The following ROBO2 variants were observed in gnomAD, a reference collection of about 807,000 sequenced individuals.
ROBO2 encodes the protein roundabout guidance receptor 2.
Under a neutral mutation model 160.8 loss-of-function variants are expected in ROBO2, and 53 were observed. The ratio of observed to expected loss-of-function variants is 0.33; its 90% CI spans 0.26 to 0.41. The LOEUF (loss-of-function observed/expected upper bound fraction) is 0.41. ROBO2 is among the 10% of genes least tolerant of loss of function. ROBO2 has a pLI of 1.00. For synonymous variants in ROBO2, 664 were observed against 611.7 expected, an observed-to-expected ratio of 1.09 and a Z score of -1.26; for missense variants, 1,577 against 1,722.4, an observed-to-expected ratio of 0.92 and a Z score of 1.49.
At chr3:76,441,987 G>A (rs748856398) in intron 2 of ROBO2, among the ~76,000 whole-genome samples, 1 of 152,174 alleles carries the variant, frequency 6.6e-6, no homozygotes, top group Non-Finnish European at 1.5e-5. Context: ...CTGAGATCAG[G>A]ACATAGGGCA....
intron 20 of ROBO2, 60 bp from the exon 22 acceptor site, chr3:77,607,737 CT>C: frequency 6.9e-7 from 1 of 1,452,460 alleles, no homozygotes; most frequent in South Asian, 1.1e-5. Context: ...ACCTTGCCAT[CT>C]GATGTATTCT....
At chr3:77,523,602 A>T (rs1259272646) in intron 6 of ROBO2, among the ~76,000 whole-genome samples, 1 of 151,352 alleles carries the variant, frequency 6.6e-6, no homozygotes, top group Non-Finnish European at 1.5e-5. Flanking sequence ...AGTGCACTAG[A>T]ATAAATTAAC....
chr3:77,146,376 T>A (rs1366370094), intron 2 of ROBO2, among the ~76,000 whole-genome samples: 1 of 152,154 alleles, frequency 6.6e-6, no homozygotes, highest in Non-Finnish European at 1.5e-5. Context: ...GGAAGCCTGG[T>A]AACGTGGTAG....
At chr3:77,015,631 A>G (rs979453239) in intron 2 of ROBO2, among the ~76,000 whole-genome samples, 2 of 152,194 alleles carry the variant, frequency 1.3e-5, no homozygotes, top group African/African-American at 4.8e-5. Context: ...ATAATTTTCA[A>G]ACATTTTAAC....
At chr3:76,887,732 C>T (rs1011275294) in intron 2 of ROBO2, among the ~76,000 whole-genome samples, 15 of 152,264 alleles carry the variant, frequency 9.9e-5, no homozygotes, top group African/African-American at 3.1e-4. Flanking sequence ...TAAATGTGCA[C>T]TTTCTATGGT....
intron 2 of ROBO2, among the ~76,000 whole-genome samples, chr3:76,230,318 G>GAA (rs368897104): frequency 6.1e-5 from 9 of 147,810 alleles, no homozygotes; most frequent in Non-Finnish European, 1.0e-4. Context: ...TTTCTCATTT[G>GAA]AAAAAAAAAA....
At chr3:77,107,283 G>T (rs2072936609) in intron 2 of ROBO2, among the ~76,000 whole-genome samples, 1 of 152,120 alleles carries the variant, frequency 6.6e-6, no homozygotes, top group African/African-American at 2.4e-5. Flanking sequence ...TAAACGTTCT[G>T]ACCACAGCTC....
At chr3:76,620,395 C>T (rs1313521458) in intron 2 of ROBO2, among the ~76,000 whole-genome samples, 1 of 151,928 alleles carries the variant, frequency 6.6e-6, no homozygotes, top group Non-Finnish European at 1.5e-5. Flanking sequence ...AAAAATCATT[C>T]GTAAATAAAA....
intron 2 of ROBO2, among the ~76,000 whole-genome samples, chr3:77,009,566 T>G (rs2061756849): frequency 6.6e-6 from 1 of 152,216 alleles, no homozygotes; most frequent in African/African-American, 2.4e-5. Context: ...GTCTTCATAA[T>G]TTTATATGTT....
intron 2 of ROBO2, among the ~76,000 whole-genome samples, chr3:76,002,508 A>G (rs2065914982): frequency 6.6e-6 from 1 of 152,042 alleles, no homozygotes; most frequent in Non-Finnish European, 1.5e-5. Flanking sequence ...TGTAGTGGTG[A>G]ATGAGTCTCA....
At position 76,754,022 on chromosome 3, in the gene ROBO2, C is replaced by T. The variant is rs937371474; in HGVS notation, c.110-343992C>T. ...GAAAATAATACTACCTGCTACTAAT[C>T]TTTGTAAAATTTTTTATTGGTATAA... On this transcript the variant is annotated intron_variant, in intron 2 of 26. Coordinates refer to the ROBO2 transcript ENST00000487694. Among the ~76,000 whole-genome samples, 8 of 151,710 alleles carry T rather than the reference C, an allele frequency of 5.3e-5. 1 individual carries two copies. The highest frequency in any genetic ancestry group is 1.5e-4 in the African/African-American group (6 of 41,336).
chr3:77,064,044 G>A (rs895263366), intron 1 of ROBO2, among the ~76,000 whole-genome samples: 3 of 152,204 alleles, frequency 2.0e-5, no homozygotes, highest in African/African-American at 7.2e-5. Context: ...TATCTTTAAA[G>A]CCTGCAGAAA....
At chr3:76,120,286 G>A (rs984049845) in intron 2 of ROBO2, among the ~76,000 whole-genome samples, 3 of 152,116 alleles carry the variant, frequency 2.0e-5, no homozygotes, top group Admixed American at 1.3e-4. Context: ...ACAGGCGTGA[G>A]CCACCACGCC....
chr3:77,139,424 T>A (rs78783762), intron 2 of ROBO2, among the ~76,000 whole-genome samples: 17,656 of 152,164 alleles, frequency 0.12, 1,472 homozygotes, highest in East Asian at 0.31. Context: ...GCAGTTCATC[T>A]AACCAGCCAT....
At chr3:76,936,795 A>G (rs1248004113) in intron 2 of ROBO2, among the ~76,000 whole-genome samples, 1 of 151,086 alleles carries the variant, frequency 6.6e-6, no homozygotes, top group Non-Finnish European at 1.5e-5. Flanking sequence ...CTTTAACTCA[A>G]TTTTACTTTA....
intron 2 of ROBO2, among the ~76,000 whole-genome samples, chr3:76,580,484 G>T (rs959696990): frequency 3.1e-4 from 47 of 151,396 alleles, no homozygotes; most frequent in African/African-American, 1.1e-3. Flanking sequence ...ATTTGCTAAG[G>T]TAATTAATTC....
chr3:76,894,306 A>G (rs577678218), intron 2 of ROBO2, among the ~76,000 whole-genome samples: 1 of 152,220 alleles, frequency 6.6e-6, no homozygotes, highest in East Asian at 1.9e-4. Context: ...TAAATTATCA[A>G]TCATGTTGGT....
chr3:77,116,624 C>G (rs1056700932), intron 2 of ROBO2, among the ~76,000 whole-genome samples: 1 of 152,162 alleles, frequency 6.6e-6, no homozygotes, highest in African/African-American at 2.4e-5. Flanking sequence ...ATTCTTTCGT[C>G]TAAACATTGC....
chr3:75,911,637 A>T (rs1361229919), intron 1 of ROBO2, among the ~76,000 whole-genome samples: 2 of 136,260 alleles, frequency 1.5e-5, no homozygotes, highest in Non-Finnish European at 3.0e-5. Context: ...GACTCACTGC[A>T]AGCTCCGCCT....
Sources: gnomAD v4.1 joint callset for allele counts (sites outside exome capture counted in the v4.1 genomes callset) on GRCh38, gnomAD v4.1.1 for gene constraint, MANE v1.5 for transcripts, NCBI Gene and HGNC (gene_info 2026-07-23, HGNC 2026-07-21) for gene names.